Variants in USH2A observed in about 807,000 individuals in gnomAD.
USH2A encodes the protein usherin.
A neutral mutation model predicts 538.9 loss-of-function variants in USH2A; 443 were observed. The observed-to-expected ratio is 0.82, with a 90% CI of 0.76 to 0.89. The LOEUF is 0.89. USH2A is among the 40% of genes least tolerant of loss of function. USH2A has a pLI of 0.00. For missense variants in USH2A, 6,633 were observed against 6,324.8 expected, an observed-to-expected ratio of 1.05 and a Z score of -1.65; for synonymous variants, 2,413 against 2,273.5, an observed-to-expected ratio of 1.06 and a Z score of -1.75.
rs67957139 is a variant in USH2A at position 216,323,276 on chromosome 1, TTA to T, written c.1550+196_1550+197del. Among the ~76,000 whole-genome samples, 59,482 of 136,676 alleles carry T rather than the reference TTA, an allele frequency of 0.44. 12,505 individuals carry two copies. Among genetic ancestry groups the T allele is most frequent in the Middle Eastern group, 0.58 (156 of 268 alleles). The allele number at this position is 136,676 out of a possible 152,430, so 89.7% of individuals were successfully genotyped here. Reference sequence around the variant, plus strand: ...TATATATTTATTTATAAAATACGTTTTATATATATATATATATATATATATAA... The same window carrying T: ...TATATATTTATTTATAAAATACGTTTTATATATATATATATATATATATAA... On this transcript the variant is annotated intron_variant, in intron 8 of 71. Transcript: ENST00000307340.
At chr1:215,838,876 T>C (rs1312450196) in intron 46 of USH2A, among the ~76,000 whole-genome samples, 1 of 152,208 alleles carries the variant, frequency 6.6e-6, no homozygotes, top group Non-Finnish European at 1.5e-5. Flanking sequence ...ACTGTACTTT[T>C]TACAGTGCTA....
intron 64 of USH2A, among the ~76,000 whole-genome samples, chr1:215,668,204 G>A (rs1197363258): frequency 6.6e-6 from 1 of 152,140 alleles, no homozygotes; most frequent in Non-Finnish European, 1.5e-5. Flanking sequence ...ACCCTCAAGT[G>A]GTTTTGAGAG....
At chr1:216,104,334 G>A (rs2032677567) in intron 21 of USH2A, among the ~76,000 whole-genome samples, 1 of 151,190 alleles carries the variant, frequency 6.6e-6, no homozygotes, top group African/African-American at 2.4e-5. Flanking sequence ...TTTTGTCCTT[G>A]CGATAGTTTG....
At chr1:215,881,956 CA>C (rs1470958815) in intron 41 of USH2A, among the ~76,000 whole-genome samples, 3 of 152,186 alleles carry the variant, frequency 2.0e-5, no homozygotes, top group African/African-American at 7.2e-5. Flanking sequence ...ATGGCACCTT[CA>C]AAGTTCCCCA....
intron 32 of USH2A, among the ~76,000 whole-genome samples, chr1:216,034,581 AGAG>A (rs1489301171): frequency 2.0e-5 from 3 of 152,146 alleles, no homozygotes; most frequent in East Asian, 1.9e-4. Flanking sequence ...TGTTATCCTT[AGAG>A]GAGGAGAGAA....
At chr1:215,959,473 C>G (rs1371415255) in intron 37 of USH2A, among the ~76,000 whole-genome samples, 1 of 152,040 alleles carries the variant, frequency 6.6e-6, no homozygotes, top group Admixed American at 6.6e-5. Context: ...CATATTTACT[C>G]TGGGAAAAGT....
intron 22 of USH2A, among the ~76,000 whole-genome samples, chr1:216,096,674 C>A (rs1391871693): frequency 6.6e-6 from 1 of 151,980 alleles, no homozygotes; most frequent in East Asian, 1.9e-4. Context: ...CGCCCAGTAC[C>A]ATAGTACCCG....
At chr1:216,203,318 T>C (rs1572047210) in intron 16 of USH2A, among the ~76,000 whole-genome samples, 1 of 152,158 alleles carries the variant, frequency 6.6e-6, no homozygotes, top group East Asian at 1.9e-4. Flanking sequence ...ATATCTATGA[T>C]AAAGTTTAAT....
At chr1:216,203,118 G>A (rs983976351) in intron 16 of USH2A, among the ~76,000 whole-genome samples, 2 of 152,018 alleles carry the variant, frequency 1.3e-5, no homozygotes, top group African/African-American at 2.4e-5. Flanking sequence ...TTCCAGGAAA[G>A]AATATAGTAG....
At chr1:216,187,588 A>G (rs1227794083) in intron 20 of USH2A, among the ~76,000 whole-genome samples, 1 of 151,838 alleles carries the variant, frequency 6.6e-6, no homozygotes, top group African/African-American at 2.4e-5. Context: ...AGAACTCTCC[A>G]TTTTATATTT....
intron 7 of USH2A, 91 bp downstream of exon 7, chr1:216,324,077 G>C: frequency 7.3e-7 from 1 of 1,378,890 alleles, no homozygotes; most frequent in Non-Finnish European, 9.9e-7. Flanking sequence ...GGTGGTGAAG[G>C]GAAGTCTCCA....
At chr1:215,887,831 C>A (rs1665103658) in intron 41 of USH2A, among the ~76,000 whole-genome samples, 1 of 152,166 alleles carries the variant, frequency 6.6e-6, no homozygotes, top group African/African-American at 2.4e-5. Flanking sequence ...TGTATTTACA[C>A]AAAAGAGGCT....
chr1:216,163,765 ACTCTAATTTTTTGC>A (rs938992957), intron 21 of USH2A, among the ~76,000 whole-genome samples: 1 of 151,294 alleles, frequency 6.6e-6, no homozygotes, highest in Non-Finnish European at 1.5e-5. Flanking sequence ...CCCCACCTAG[ACTCTAATTTTTTGC>A]CTGTCTTTTT....
At chr1:215,633,234 G>A (rs1389457552) in intron 70 of USH2A, among the ~76,000 whole-genome samples, 1 of 152,190 alleles carries the variant, frequency 6.6e-6, no homozygotes, top group African/African-American at 2.4e-5. Context: ...ATGGGCTCAG[G>A]GAGGAAGGAG....
At chr1:215,681,388 T>C (rs180906423) in intron 61 of USH2A, among the ~76,000 whole-genome samples, 223 of 152,052 alleles carry the variant, frequency 1.5e-3, no homozygotes, top group African/African-American at 5.1e-3. Context: ...CCATCCCCAT[T>C]GGATATAAGA....
chr1:215,655,400 G>A (rs1392314892), intron 64 of USH2A, among the ~76,000 whole-genome samples: 9 of 152,174 alleles, frequency 5.9e-5, no homozygotes, highest in Admixed American at 5.9e-4. Flanking sequence ...TACTGACTTT[G>A]TAGAACCACT....
At chr1:216,334,748 C>A (rs1489187088) in intron 4 of USH2A, among the ~76,000 whole-genome samples, 1 of 151,812 alleles carries the variant, frequency 6.6e-6, no homozygotes, top group Non-Finnish European at 1.5e-5. Flanking sequence ...TTTAAGATAT[C>A]AATCCATCAG....
chr1:215,859,429 G>A (rs1330065574), intron 44 of USH2A, among the ~76,000 whole-genome samples: 1 of 151,990 alleles, frequency 6.6e-6, no homozygotes, highest in Non-Finnish European at 1.5e-5. Context: ...AGCTACTTGG[G>A]AGGCTGAGGC....
At chr1:216,368,479 G>A (rs1301733182) in intron 3 of USH2A, among the ~76,000 whole-genome samples, 1 of 152,134 alleles carries the variant, frequency 6.6e-6, no homozygotes, top group Non-Finnish European at 1.5e-5. Context: ...CAGAATACCT[G>A]TGCTGAATTT....
Sources: allele counts gnomAD v4.1 joint callset (sites outside exome capture counted in the v4.1 genomes callset), GRCh38; gene constraint gnomAD v4.1.1; transcripts MANE v1.5; gene names NCBI Gene and HGNC (gene_info 2026-07-23, HGNC 2026-07-21).